Variants in ASIC2 observed in about 807,000 individuals in gnomAD.
The protein encoded by ASIC2 is acid sensing ion channel subunit 2.
ASIC2 carries 25 observed loss-of-function variants against 57.3 expected under a neutral mutation model. The ratio of observed to expected loss-of-function variants is 0.44; its 90% confidence interval spans 0.32 to 0.61. The LOEUF (loss-of-function observed/expected upper bound fraction) is 0.61, where lower values mean the gene tolerates loss of function less well. Ranked by LOEUF, ASIC2 falls within the 20% of genes least tolerant of loss-of-function variation. The probability of loss-of-function intolerance (pLI) is 0.06; values close to 1 mark genes in which losing one functional copy is unlikely to be tolerated. For missense variants in ASIC2, 641 were observed against 738.1 expected, an observed-to-expected ratio of 0.87 and a Z score of 1.52; for synonymous variants, 319 against 307.5, an observed-to-expected ratio of 1.04 and a Z score of -0.39.
At chr17:33,630,921 G>A (rs889597635) in intron 1 of ASIC2, among the ~76,000 whole-genome samples, 1 of 152,204 alleles carries the variant, frequency 6.6e-6, no homozygotes, top group Non-Finnish European at 1.5e-5. Context: ...GGACTGACAT[G>A]CAAAGTCCTA....
chr17:33,386,248 G>C (rs528314963), intron 1 of ASIC2, among the ~76,000 whole-genome samples: 1 of 152,186 alleles, frequency 6.6e-6, no homozygotes, highest in South Asian at 2.1e-4. Flanking sequence ...TTGACCTCTA[G>C]AGACCCACCT....
intron 8 of ASIC2, 31 bp downstream of exon 8, chr17:33,017,574 T>C (rs2091813834): frequency 6.3e-7 from 1 of 1,588,200 alleles, no homozygotes; most frequent in South Asian, 1.1e-5. Context: ...CAGCATGCGG[T>C]CATTTCCCTG....
At chr17:33,035,456 A>G (rs1019173067) in intron 3 of ASIC2, among the ~76,000 whole-genome samples, 1 of 152,192 alleles carries the variant, frequency 6.6e-6, no homozygotes, top group Non-Finnish European at 1.5e-5. Flanking sequence ...TCTTTCTCTG[A>G]ATACTGTTGA....
intron 1 of ASIC2, among the ~76,000 whole-genome samples, chr17:33,629,930 C>T (rs932438223): frequency 2.0e-5 from 3 of 152,158 alleles, no homozygotes; most frequent in Non-Finnish European, 2.9e-5. Context: ...CTCAGCAAGA[C>T]GAGGAAGGGG....
chr17:34,076,339 C>T (rs935387655), intron 1 of ASIC2, among the ~76,000 whole-genome samples: 28 of 152,248 alleles, frequency 1.8e-4, no homozygotes, highest in Admixed American at 9.2e-4. Flanking sequence ...ACTGCTGGCT[C>T]CATGAGGCCT....
chr17:33,065,612 G>A (rs1452950825), intron 3 of ASIC2, among the ~76,000 whole-genome samples: 1 of 152,004 alleles, frequency 6.6e-6, no homozygotes, highest in East Asian at 1.9e-4. Flanking sequence ...ATAATATCTG[G>A]AGGAGGATAG....
intron 1 of ASIC2, among the ~76,000 whole-genome samples, chr17:33,274,665 C>T (rs1262233846): frequency 6.6e-6 from 1 of 151,518 alleles, no homozygotes; most frequent in African/African-American, 2.4e-5. Flanking sequence ...CCAGTGAAAT[C>T]AGAATCTCTG....
At chr17:33,805,985 T>C (rs1381785450) in intron 1 of ASIC2, among the ~76,000 whole-genome samples, 1 of 152,204 alleles carries the variant, frequency 6.6e-6, no homozygotes, top group Non-Finnish European at 1.5e-5. Flanking sequence ...TTATTCTCTA[T>C]TTAAACACTC....
At chr17:34,127,564 C>A (rs912891504) in intron 1 of ASIC2, among the ~76,000 whole-genome samples, 1 of 152,164 alleles carries the variant, frequency 6.6e-6, no homozygotes, top group East Asian at 1.9e-4. Context: ...TTTTTCTCTA[C>A]GTATAGGTAG....
intron 1 of ASIC2, among the ~76,000 whole-genome samples, chr17:33,951,838 C>T (rs1904584757): frequency 1.3e-5 from 2 of 151,782 alleles, no homozygotes. Flanking sequence ...AAGTTATCCA[C>T]CCGTCTTGGC....
At chr17:33,027,467 G>T (rs2091864069) in intron 4 of ASIC2, among the ~76,000 whole-genome samples, 1 of 152,104 alleles carries the variant, frequency 6.6e-6, no homozygotes, top group Non-Finnish European at 1.5e-5. Context: ...CATGACTTTT[G>T]GTTCCCTCTT....
rs1020906550 is a variant in ASIC2 at position 33,292,749 on chromosome 17, G to C, written c.-634C>G. Reference sequence around the variant, plus strand: ...TACGGGGGTGAGTGGTCGCCTTGCCGGCTGCCGCCTTCTTTCCCTTCCCCT... The same window carrying C: ...TACGGGGGTGAGTGGTCGCCTTGCCCGCTGCCGCCTTCTTTCCCTTCCCCT... On this transcript the variant is annotated 5_prime_UTR_variant, in exon 1 of 10. Coordinates refer to ENST00000225823, the MANE Select transcript of ASIC2 (RefSeq NM_183377.2). 3.0e-6 allele frequency: 3 copies of C among 985,936 alleles called. No individual in the cohort carries two copies. The highest frequency in any genetic ancestry group is 3.6e-6 in the Non-Finnish European group (3 of 830,378). The allele number at this position is 985,936 out of a possible 1,614,324, so 61.1% of individuals were successfully genotyped here. A position where few individuals can be genotyped will look rare whatever the true frequency, so the allele number is the denominator to read the frequency against.
chr17:33,862,318 C>T (rs1427536097), intron 1 of ASIC2, among the ~76,000 whole-genome samples: 1 of 152,130 alleles, frequency 6.6e-6, no homozygotes, highest in Non-Finnish European at 1.5e-5. Context: ...TGCATTTAGT[C>T]CTCACAAAAT....
intron 1 of ASIC2, among the ~76,000 whole-genome samples, chr17:33,686,832 G>T (rs1908209358): frequency 6.6e-6 from 1 of 152,156 alleles, no homozygotes; most frequent in Non-Finnish European, 1.5e-5. Context: ...TGGGCAGCCA[G>T]AGTCCCAAGC....
intron 1 of ASIC2, among the ~76,000 whole-genome samples, chr17:34,018,333 G>T (rs1907039621): frequency 6.6e-6 from 1 of 152,184 alleles, no homozygotes; most frequent in Non-Finnish European, 1.5e-5. Context: ...AAATATTCCT[G>T]TAAAAATATT....
At chr17:33,568,091 C>A (rs1242872417) in intron 1 of ASIC2, among the ~76,000 whole-genome samples, 1 of 152,184 alleles carries the variant, frequency 6.6e-6, no homozygotes, top group Non-Finnish European at 1.5e-5. Context: ...AGTCACAAGT[C>A]AATCTGACCT....
intron 1 of ASIC2, among the ~76,000 whole-genome samples, chr17:33,926,319 C>T (rs915669178): frequency 1.3e-5 from 2 of 152,080 alleles, no homozygotes; most frequent in Non-Finnish European, 2.9e-5. Flanking sequence ...ATCCAAAATG[C>T]TTGGGACCAG....
rs990339762 is a variant in ASIC2, at chr17:33,610,052, GCGCA to G, written c.556-497989_556-497986del. Reference sequence around the variant, plus strand: ...CTCTTCACTGGGACCCTGGACAGAGGCGCACACACACACACACACACACACACAC... The same window carrying G: ...CTCTTCACTGGGACCCTGGACAGAGGCACACACACACACACACACACACAC... On this transcript the variant is annotated intron_variant, in intron 1 of 9. Transcript: ENST00000359872. 3.1e-5 allele frequency among the ~76,000 whole-genome samples: 3 copies of G among 95,780 alleles called. No homozygotes were observed. The Middle Eastern group carries it at 0.016, about 515-fold the overall frequency. The allele number at this position is 95,780 out of a possible 152,430, so 62.8% of individuals were successfully genotyped here. A position where few individuals can be genotyped will look rare whatever the true frequency, so the allele number is the denominator to read the frequency against.
At chr17:34,096,521 G>A (rs1259799944) in intron 1 of ASIC2, among the ~76,000 whole-genome samples, 7 of 152,258 alleles carry the variant, frequency 4.6e-5, no homozygotes, top group African/African-American at 1.7e-4. Context: ...TGATTTTAGT[G>A]TTATGGAAAA....
Sources: gnomAD v4.1 joint callset for allele counts (sites outside exome capture counted in the v4.1 genomes callset) on GRCh38, gnomAD v4.1.1 for gene constraint, MANE v1.5 for transcripts, NCBI Gene and HGNC (gene_info 2026-07-23, HGNC 2026-07-21) for gene names.